TSPAN11: variants seen among roughly 807,000 people sequenced by gnomAD.
The protein encoded by TSPAN11 is tetraspanin-11.
TSPAN11 carries 29 observed loss-of-function variants against 32.9 expected under a neutral mutation model. That is an observed-to-expected ratio of 0.88 (90% CI 0.66 to 1.20). The LOEUF is 1.20. Ranked by LOEUF, TSPAN11 falls within the 50% of genes most tolerant of loss-of-function variation. The pLI is 0.00. For synonymous variants in TSPAN11, 140 were observed against 141.3 expected, an observed-to-expected ratio of 0.99 and a Z score of 0.07; for missense variants, 283 against 329.1, an observed-to-expected ratio of 0.86 and a Z score of 1.08.
rs201649480 is a variant in TSPAN11, at chr12:30,957,241, C to A, written c.84+3166C>A. On this transcript the variant is annotated intron_variant, in intron 2 of 7. Coordinates refer to ENST00000546076, the MANE Select transcript of TSPAN11 (RefSeq NM_001370302.1). Reference sequence around the variant, plus strand: ...GAATGGCCTGGGACCCCCCCCCCCCCCACACCATGGTCTTCTGCCCCTCTG... The same window carrying A: ...GAATGGCCTGGGACCCCCCCCCCCCACACACCATGGTCTTCTGCCCCTCTG... Among the ~76,000 whole-genome samples, 407 of 132,280 alleles carry A rather than the reference C, an allele frequency of 3.1e-3. 4 individuals carry two copies. The highest frequency in any genetic ancestry group is 0.013 in the South Asian group (49 of 3,782). The allele number at this position is 132,280 out of a possible 152,430, so 86.8% of individuals were successfully genotyped here. A position where few individuals can be genotyped will look rare whatever the true frequency, so the allele number is the denominator to read the frequency against.
At chr12:30,946,236 A>G (rs1938264604) in intron 1 of TSPAN11, among the ~76,000 whole-genome samples, 1 of 152,186 alleles carries the variant, frequency 6.6e-6, no homozygotes, top group Admixed American at 6.5e-5. Flanking sequence ...GCAAATGGGG[A>G]TCATTAGTCA....
chr12:31,009,021 G>A, the TSPAN11 span, among the ~76,000 whole-genome samples: 18 of 152,272 alleles, frequency 1.2e-4, no homozygotes, highest in African/African-American at 2.4e-4. Flanking sequence ...GACCCCAATC[G>A]CTGTGTTAGA....
At chr12:30,974,291 A>T (rs1428108500) in intron 3 of TSPAN11, among the ~76,000 whole-genome samples, 2 of 152,246 alleles carry the variant, frequency 1.3e-5, no homozygotes, top group Non-Finnish European at 2.9e-5. Flanking sequence ...AGGGTTTTGC[A>T]ACCTCGGCAC....
chr12:30,985,815 G>A (rs1939190548), intron 7 of TSPAN11, among the ~76,000 whole-genome samples: 1 of 152,242 alleles, frequency 6.6e-6, no homozygotes, highest in African/African-American at 2.4e-5. Context: ...GTCTGATATT[G>A]AAGAGGTCAG....
intron 7 of TSPAN11, among the ~76,000 whole-genome samples, chr12:30,986,056 G>A (rs1592496960): frequency 6.6e-6 from 1 of 152,170 alleles, no homozygotes; most frequent in East Asian, 1.9e-4. Flanking sequence ...TCCCAGGTGG[G>A]TCCTAAGCTT....
chr12:30,979,213 TCA>T (rs1422797716), intron 4 of TSPAN11, among the ~76,000 whole-genome samples: 1 of 152,176 alleles, frequency 6.6e-6, no homozygotes, highest in Non-Finnish European at 1.5e-5. Flanking sequence ...CACCTCATGA[TCA>T]CAGTTAAGAT....
At chr12:31,010,064 G>A in the TSPAN11 span, among the ~76,000 whole-genome samples, 4 of 152,322 alleles carry the variant, frequency 2.6e-5, no homozygotes, top group South Asian at 4.1e-4. Flanking sequence ...TTCTGCCTCC[G>A]TAAGAGTGGC....
chr12:30,938,706 C>G (rs1272719645), intron 1 of TSPAN11, among the ~76,000 whole-genome samples: 1 of 152,176 alleles, frequency 6.6e-6, no homozygotes, highest in Non-Finnish European at 1.5e-5. Context: ...TGAGCTCACC[C>G]TGAATGGGTC....
At chr12:30,927,043 A>G (rs1308833773) in intron 1 of TSPAN11, 3 of 1,279,388 alleles carry the variant, frequency 2.3e-6, no homozygotes, top group Non-Finnish European at 3.0e-6. Context: ...CACGGTGTCC[A>G]TAACTATGCG....
rs532872011 is a variant in TSPAN11 at position 30,933,692 on chromosome 12, A to C, written c.-12+6896A>C. Among the ~76,000 whole-genome samples, 3 of 152,276 alleles carry C rather than the reference A, an allele frequency of 2.0e-5. No individual in the cohort carries two copies. In the East Asian group the frequency reaches 5.8e-4, roughly 29 times the overall value. ...CAGTGGTTGCAGCTCTAGTGGCTGC[A>C]GCTCTAGTGGCTGCAGCTGTGGACC... On this transcript the variant is annotated intron_variant, in intron 1 of 7. Transcript: ENST00000546076.
intron 3 of TSPAN11, among the ~76,000 whole-genome samples, chr12:30,973,657 A>G (rs563185103): frequency 3.3e-5 from 5 of 152,230 alleles, no homozygotes; most frequent in Admixed American, 1.3e-4. Flanking sequence ...TCTGGGCTCT[A>G]TTGGTGGAGC....
At chr12:31,006,006 T>C in the TSPAN11 span, 1 of 153,116 alleles carries the variant, frequency 6.5e-6, no homozygotes, top group Non-Finnish European at 1.5e-5. Flanking sequence ...GAGAAAATGG[T>C]GAGCAGAGGT....
chr12:30,964,058 G>A (rs776384529), intron 3 of TSPAN11, 41 bp downstream of exon 3: 58 of 1,588,416 alleles, frequency 3.7e-5, no homozygotes, highest in Non-Finnish European at 4.9e-5. Context: ...GGGGAGCCCT[G>A]CACCACCCAG....
chr12:30,929,590 G>A (rs1937875251), intron 1 of TSPAN11, among the ~76,000 whole-genome samples: 1 of 152,094 alleles, frequency 6.6e-6, no homozygotes, highest in Non-Finnish European at 1.5e-5. Flanking sequence ...CCTCTATTGG[G>A]GGTGTTCCCA....
At chr12:31,002,690 G>T in the TSPAN11 span, among the ~76,000 whole-genome samples, 1 of 152,166 alleles carries the variant, frequency 6.6e-6, no homozygotes, top group Non-Finnish European at 1.5e-5. This position sits in a 1 kb window ranked among gnomAD's most constrained non-coding sequence, Gnocchi z 4.8. Flanking sequence ...CCCATCCTGT[G>T]CCATGTCCCT....
downstream of TSPAN11, among the ~76,000 whole-genome samples, chr12:30,997,982 G>A (rs529929938): frequency 1.2e-4 from 19 of 152,160 alleles, no homozygotes; most frequent in Non-Finnish European, 2.5e-4. Context: ...TCATAGCAGC[G>A]GCCTTCTGAC....
At chr12:30,934,148 C>G (rs1246402735) in intron 1 of TSPAN11, among the ~76,000 whole-genome samples, 1 of 152,246 alleles carries the variant, frequency 6.6e-6, no homozygotes, top group Non-Finnish European at 1.5e-5. Context: ...AGGCACTAAC[C>G]CCCAGCTGTT....
intron 5 of TSPAN11, among the ~76,000 whole-genome samples, chr12:30,981,506 T>C (rs978615413): frequency 6.6e-6 from 1 of 151,884 alleles, no homozygotes; most frequent in East Asian, 1.9e-4. Context: ...ACCAGCAGAG[T>C]CACGTGGAAT....
the TSPAN11 span, among the ~76,000 whole-genome samples, chr12:31,007,910 C>T: frequency 1.3e-5 from 2 of 152,022 alleles, no homozygotes; most frequent in Non-Finnish European, 2.9e-5. Flanking sequence ...GCCATAGAGG[C>T]GGGGGCCAGG....
Sources: allele counts gnomAD v4.1 joint callset (sites outside exome capture counted in the v4.1 genomes callset), GRCh38; gene constraint gnomAD v4.1.1; non-coding constraint Gnocchi (gnomAD v3.1); transcripts MANE v1.5; gene names NCBI Gene and HGNC (gene_info 2026-07-23, HGNC 2026-07-21).